Variants in PTCH1 observed in about 807,000 individuals in gnomAD.
PTCH1 encodes patched 1.
A neutral mutation model predicts 144.6 loss-of-function variants in PTCH1; 14 were observed. The observed-to-expected ratio is 0.10, with a 90% confidence interval of 0.06 to 0.15. PTCH1 has a LOEUF of 0.15. Among genes scored for constraint, PTCH1 ranks in the 10% least tolerant of loss-of-function variants. PTCH1 has a pLI of 1.00. For missense variants in PTCH1, 1,623 were observed against 1,948.3 expected (o/e 0.83, Z 3.14); for synonymous variants, 833 against 793.6 (o/e 1.05, Z -0.83).
intron 6 of PTCH1, 45 bp from the exon 7 acceptor site, chr9:95,480,135 G>C (rs765660169): frequency 6.2e-7 from 1 of 1,612,510 alleles, no homozygotes; most frequent in Non-Finnish European, 8.5e-7. Flanking sequence ...TTAGTAGGCA[G>C]GTCACATGCC....
rs1588518326 is a variant in PTCH1 at position 95,449,441 on chromosome 9, A to G, written c.3550-118T>C. On this transcript the variant is annotated intron_variant, in intron 21 of 23. Transcript: ENST00000331920. The surrounding 1 kb of genome is among the most constrained non-coding windows in gnomAD (Gnocchi z 5.3). ...TGTTCCCTGCCCTGGGGCCCTGCGC[A>G]CTGTGCCGTATTAACCTCCCCTTCT... is the stretch of plus-strand genomic sequence containing the variant. 6.4e-6 allele frequency: 9 copies of G among 1,415,048 alleles called. No homozygotes were observed. The East Asian group carries it at 1.7e-4, about 27-fold the overall frequency. 87.7% of individuals were successfully genotyped at this position (1,415,048 alleles called of 1,614,324 possible).
At chr9:95,481,921 A>G (rs751369955) in intron 5 of PTCH1, 28 bp downstream of exon 5, 1 of 1,556,964 alleles carries the variant, frequency 6.4e-7, no homozygotes, top group Non-Finnish European at 8.9e-7. Flanking sequence ...GAAGTCACAG[A>G]CATCAGAAAG....
chr9:95,512,490 G>A (rs192438637), upstream of PTCH1, among the ~76,000 whole-genome samples: 5 of 152,050 alleles, frequency 3.3e-5, no homozygotes, highest in African/African-American at 1.2e-4. Flanking sequence ...GGGAAGAGGA[G>A]CCAGTGTAAA....
chr9:95,497,556 G>C (rs765257114), intron 2 of PTCH1, among the ~76,000 whole-genome samples: 2 of 152,146 alleles, frequency 1.3e-5, no homozygotes, highest in Non-Finnish European at 2.9e-5. Flanking sequence ...CATCTTGGAG[G>C]CTCGGGCTCT....
intron 12 of PTCH1, among the ~76,000 whole-genome samples, chr9:95,474,502 T>C (rs1840867118): frequency 6.6e-6 from 1 of 152,226 alleles, no homozygotes; most frequent in Admixed American, 6.5e-5. Context: ...TATTCATTGA[T>C]TCACTATTTT....
rs1839184489 is a variant in PTCH1, at chr9:95,458,682, G to A, written c.2888-389C>T. Reference sequence around the variant, plus strand: ...AGAGTCATGCTTTCCTGAGAAAAATGCTTAACTTATCCTTTTAGTGCCTGA... The same window carrying A: ...AGAGTCATGCTTTCCTGAGAAAAATACTTAACTTATCCTTTTAGTGCCTGA... On this transcript the variant is annotated intron_variant, in intron 17 of 23. Coordinates refer to ENST00000331920, the MANE Select transcript of PTCH1 (RefSeq NM_000264.5). The surrounding 1 kb of genome is among the most constrained non-coding windows in gnomAD (Gnocchi z 4.7). Among the ~76,000 whole-genome samples, 5 of 152,294 alleles carry A rather than the reference G, an allele frequency of 3.3e-5. No individual in the cohort carries two copies. The South Asian group carries it at 1.0e-3, about 32-fold the overall frequency.
In PTCH1 at chr9:95,468,914, G is replaced by C. The variant is rs569655753; in HGVS notation, c.2087C>G (p.Thr696Ser). 1 of 1,614,188 alleles carries C rather than the reference G, an allele frequency of 6.2e-7. No homozygotes were observed. The highest frequency in any genetic ancestry group is 8.5e-7 in the Non-Finnish European group (1 of 1,180,050). ...SVQPVTVTQD[T>S]LSCQSPESTS... The stretch of plus-strand genomic sequence containing the variant: ...GCTCTCTGGGCTCTGGCAGCTGAGG[G>C]TGTCCTGTGTCACGGTGACGGGCTG... The change falls in exon 14 of 24, where the codon ACC (threonine) becomes AGC (serine). Residue 696 changes from threonine to serine, a missense_variant. Physicochemically the swap from Thr to Ser is moderately conservative, Grantham distance 58. This residue lies in a region of PTCH1 where 179 missense variants were observed against 165.7 expected (regional missense o/e 1.08). Transcript: ENST00000331920.
chr9:95,509,797 G>A (rs1001620100), upstream of PTCH1, among the ~76,000 whole-genome samples: 1 of 152,180 alleles, frequency 6.6e-6, no homozygotes, highest in Non-Finnish European at 1.5e-5. Context: ...ATGACAGCGT[G>A]CTGGATAGTG....
chr9:95,464,627 G>A (rs1261447083), intron 15 of PTCH1, among the ~76,000 whole-genome samples: 1 of 152,046 alleles, frequency 6.6e-6, no homozygotes, highest in African/African-American at 2.4e-5. Context: ...TGCCTTATTT[G>A]CATGTATGTT....
chr9:95,476,842 C>T lies in PTCH1; in HGVS notation c.1519G>A (p.Ala507Thr), dbSNP rs745669155. The change falls in exon 11 of 24, where the codon GCT becomes ACT. Residue 507 changes from alanine (A) to threonine (T), a missense_variant. Physicochemically the swap from Ala to Thr is moderately conservative, Grantham distance 58. This residue lies in a region of PTCH1 where 135 missense variants were observed against 228.7 expected (regional missense o/e 0.59). Transcript: ENST00000331920. This position sits in a 1 kb window ranked among gnomAD's most constrained non-coding sequence, Gnocchi z 4.6. ...ACATCATCCACACCAACACCAAGAG[C>T]GAGAAATGGCAAAACCTACAGCAAA... ...AATTQVLPFL[A>T]LGVGVDDVFL... The T allele has an allele frequency of 8.1e-6, 13 of 1,613,832 alleles. No individual in the cohort carries two copies. The highest frequency in any genetic ancestry group is 1.0e-5 in the Non-Finnish European group (12 of 1,179,902).
At chr9:95,516,933 G>A (rs1230578227) in exon 1 of PTCH1, 2 of 891,128 alleles carry the variant, frequency 2.2e-6, no homozygotes, top group East Asian at 2.7e-5. Context: ...AAGTAAACTC[G>A]AGGAACGTGC....
chr9:95,479,809 AG>A, intron 7 of PTCH1, 159 bp downstream of exon 7: 1 of 1,164,368 alleles, frequency 8.6e-7, no homozygotes. Flanking sequence ...AAGCTGTTGC[AG>A]TCTGCTACTA....
intron 22 of PTCH1, among the ~76,000 whole-genome samples, chr9:95,448,079 T>C (rs1838123770): frequency 6.6e-6 from 1 of 152,190 alleles, no homozygotes; most frequent in South Asian, 2.1e-4. Context: ...TTGTTAAGAA[T>C]CTGGTCTCTG....
At chr9:95,480,164 T>C (rs1475302800) in intron 6 of PTCH1, 74 bp from the exon 7 acceptor site, 7 of 1,602,656 alleles carry the variant, frequency 4.4e-6, no homozygotes, top group Admixed American at 1.7e-5. Context: ...ATCCAGTGCA[T>C]TAAGGGCTTG....
chr9:95,508,364 T>TGACGCC lies in PTCH1; in HGVS notation c.-4_-3insGGCGTC. 1 of 1,163,680 alleles carries TGACGCC rather than the reference T, an allele frequency of 8.6e-7. No individual in the cohort carries two copies. The highest frequency in any genetic ancestry group is 4.2e-5 in the South Asian group (1 of 23,784). 72.1% of individuals were successfully genotyped at this position (1,163,680 alleles called of 1,614,324 possible). A position where few individuals can be genotyped will look rare whatever the true frequency, so the allele number is the denominator to read the frequency against. ...GCGGCGTTACCAGCCGAGGCCATGTTGCCGCCGCCGCCGCCGCCGCCGCGG... is the reference window on the plus strand; with the variant it reads ...GCGGCGTTACCAGCCGAGGCCATGTTGACGCCGCCGCCGCCGCCGCCGCCGCCGCGG... On this transcript the variant is annotated 5_prime_UTR_variant, in exon 1 of 24. Transcript: ENST00000331920.
chr9:95,508,367 C>CGTT lies in PTCH1; in HGVS notation c.-7_-6insAAC. 1 of 983,426 alleles carries CGTT rather than the reference C, an allele frequency of 1.0e-6. No individual in the cohort carries two copies. The highest frequency in any genetic ancestry group is 1.3e-6 in the Non-Finnish European group (1 of 792,684). 60.9% of individuals were successfully genotyped at this position (983,426 alleles called of 1,614,324 possible). A position where few individuals can be genotyped will look rare whatever the true frequency, so the allele number is the denominator to read the frequency against. ...GCGTTACCAGCCGAGGCCATGTTGC[C>CGTT]GCCGCCGCCGCCGCCGCCGCGGGGA... is the stretch of plus-strand genomic sequence containing the variant. On this transcript the variant is annotated 5_prime_UTR_variant, in exon 1 of 24. Transcript: ENST00000331920.
chr9:95,474,881 C>T (rs1242464010), intron 12 of PTCH1, among the ~76,000 whole-genome samples: 1 of 152,112 alleles, frequency 6.6e-6, no homozygotes, highest in Admixed American at 6.5e-5. Flanking sequence ...TGTGAGTGTG[C>T]CGGGCATCCT....
At position 95,458,629 on chromosome 9, in the gene PTCH1, C is replaced by T. The variant is rs1427810275; in HGVS notation, c.2888-336G>A. ...AATACCAAGTTCACACAGTTTTATTCAATCACTTGCAAGAGCAAAAGAACT... is the reference window on the plus strand; with the variant it reads ...AATACCAAGTTCACACAGTTTTATTTAATCACTTGCAAGAGCAAAAGAACT... On this transcript the variant is annotated intron_variant, in intron 17 of 23. Transcript: ENST00000331920. This position sits in a 1 kb window ranked among gnomAD's most constrained non-coding sequence, Gnocchi z 4.7. Among the ~76,000 whole-genome samples the T allele has an allele frequency of 6.6e-6, 1 of 152,210 alleles. No individual in the cohort carries two copies. The highest frequency in any genetic ancestry group is 1.5e-5 in the Non-Finnish European group (1 of 68,046).
upstream of PTCH1, among the ~76,000 whole-genome samples, chr9:95,511,979 C>G (rs963987049): frequency 1.3e-5 from 2 of 152,192 alleles, no homozygotes; most frequent in Non-Finnish European, 2.9e-5. Flanking sequence ...TGGCCCAAAA[C>G]TATTAGTGTT....
Sources: gnomAD v4.1 joint callset for allele counts (sites outside exome capture counted in the v4.1 genomes callset) on GRCh38, gnomAD v4.1.1 for gene constraint, gnomAD v4.1.1 regional missense constraint, Gnocchi (gnomAD v3.1) non-coding constraint, MANE v1.5 for transcripts, NCBI Gene and HGNC (gene_info 2026-07-23, HGNC 2026-07-21) for gene names.